Variants in RGS8 observed in about 807,000 individuals in gnomAD.
RGS8 encodes regulator of G protein signaling 8.
In RGS8, 8 loss-of-function variants were observed where a neutral mutation model predicts 21.7. That is an observed-to-expected ratio of 0.37 (90% CI 0.22 to 0.66). RGS8 has a LOEUF of 0.66. Ranked by LOEUF, RGS8 falls within the 30% of genes least tolerant of loss-of-function variation. RGS8 has a pLI of 0.59. For missense variants in RGS8, 157 were observed against 217.9 expected (o/e 0.72, Z 1.76); for synonymous variants, 80 against 83.6 (o/e 0.96, Z 0.24).
At chr1:182,705,232 C>T in the RGS8 span, among the ~76,000 whole-genome samples, 1 of 152,126 alleles carries the variant, frequency 6.6e-6, no homozygotes, top group Non-Finnish European at 1.5e-5. Context: ...ATGGTAAAAA[C>T]CCCAGTTCAA....
At position 182,679,034 on chromosome 1, in the gene RGS8, C is replaced by T. The variant is rs147330722; in HGVS notation, n.221+5322G>A. 9.6e-3 allele frequency among the ~76,000 whole-genome samples: 1,464 copies of T among 152,300 alleles called. 22 individuals are homozygous for T. Among genetic ancestry groups the T allele is most frequent in the African/African-American group, 0.033 (1,388 of 41,548 alleles). Reference sequence around the variant, plus strand: ...ATGTGTCTATTTAAGGTGAATTCTTCCTCCTGTGGCCTTCCACCTATTCTT... The same window carrying T: ...ATGTGTCTATTTAAGGTGAATTCTTTCTCCTGTGGCCTTCCACCTATTCTT... On this transcript the variant is annotated intron_variant and non_coding_transcript_variant, in intron 1 of 4. Transcript: ENST00000515211.
In RGS8 at chr1:182,669,620, T is replaced by C; in HGVS notation, c.26+4A>G. The C allele has an allele frequency of 6.2e-7, 1 of 1,614,206 alleles. No individual in the cohort carries two copies. The highest frequency in any genetic ancestry group is 1.1e-5 in the South Asian group (1 of 91,082). On this transcript the variant is annotated splice_donor_region_variant and intron_variant, in intron 3 of 6. Coordinates refer to ENST00000483095, the Ensembl canonical transcript of RGS8. The stretch of plus-strand genomic sequence containing the variant: ...GGCAAGAAAACAGGCCATTGATTCA[T>C]TACCTGCGTGGCATCAGTAAGGCCG...
In RGS8 at chr1:182,683,507, C is replaced by T. The variant is rs956653999; in HGVS notation, n.221+849G>A. Among the ~76,000 whole-genome samples the T allele has an allele frequency of 2.0e-5, 3 of 151,866 alleles. No individual in the cohort carries two copies. In the East Asian group the frequency reaches 5.8e-4, roughly 29 times the overall value. On this transcript the variant is annotated intron_variant and non_coding_transcript_variant, in intron 1 of 4. Transcript: ENST00000515211. The stretch of plus-strand genomic sequence containing the variant: ...CATTATTTCATTAGACTCTAAGCAC[C>T]CCAAGGTCAGGACCTACAAACACTT...
At chr1:182,695,104 A>G in the RGS8 span, among the ~76,000 whole-genome samples, 3 of 152,026 alleles carry the variant, frequency 2.0e-5, no homozygotes, top group Non-Finnish European at 2.9e-5. Context: ...TGGCTACATC[A>G]TTGCATACGT....
chr1:182,662,570 G>A (rs1206133833), intron 5 of RGS8, among the ~76,000 whole-genome samples: 1 of 152,206 alleles, frequency 6.6e-6, no homozygotes, highest in Non-Finnish European at 1.5e-5. Context: ...CCAAAAGCAT[G>A]TTCCCCAATT....
At chr1:182,647,815 A>T (rs974696139) in intron 6 of RGS8, among the ~76,000 whole-genome samples, 4 of 152,234 alleles carry the variant, frequency 2.6e-5, no homozygotes, top group South Asian at 4.1e-4. Flanking sequence ...TCCACATTTC[A>T]TTAAGCTATG....
chr1:182,726,522 T>C, the RGS8 span, among the ~76,000 whole-genome samples: 4 of 152,020 alleles, frequency 2.6e-5, no homozygotes, highest in Admixed American at 2.6e-4. Context: ...AATACAAAAT[T>C]AGCCGAGCAT....
At chr1:182,701,610 T>A in the RGS8 span, among the ~76,000 whole-genome samples, 3 of 152,182 alleles carry the variant, frequency 2.0e-5, no homozygotes, top group African/African-American at 7.2e-5. Context: ...ATAGGGTTGG[T>A]CTCAAGGTTA....
At chr1:182,659,942 G>A (rs1042833450) in intron 5 of RGS8, among the ~76,000 whole-genome samples, 1 of 152,092 alleles carries the variant, frequency 6.6e-6, no homozygotes, top group African/African-American at 2.4e-5. Context: ...AGGCAAAGGG[G>A]ACAAGTATTA....
chr1:182,653,442 T>C (rs1460763251), intron 5 of RGS8, among the ~76,000 whole-genome samples: 1 of 151,834 alleles, frequency 6.6e-6, no homozygotes, highest in Non-Finnish European at 1.5e-5. Context: ...ACACCTGTAA[T>C]CCCAGCACTT....
the RGS8 span, among the ~76,000 whole-genome samples, chr1:182,699,517 G>A: frequency 6.6e-6 from 1 of 152,210 alleles, no homozygotes; most frequent in Non-Finnish European, 1.5e-5. Context: ...ACATGCCACG[G>A]GGAAAGTGAA....
the RGS8 span, among the ~76,000 whole-genome samples, chr1:182,694,130 G>A: frequency 8.0e-5 from 12 of 149,478 alleles, no homozygotes; most frequent in Non-Finnish European, 1.6e-4. Context: ...AAAATAAAAT[G>A]TGGAAAGAAA....
At chr1:182,650,310 G>T (rs952102747) in intron 5 of RGS8, among the ~76,000 whole-genome samples, 1 of 152,216 alleles carries the variant, frequency 6.6e-6, no homozygotes, top group Non-Finnish European at 1.5e-5. Flanking sequence ...TGGATTGCTG[G>T]TGCCATGCTG....
chr1:182,731,345 T>G, the RGS8 span, among the ~76,000 whole-genome samples: 14 of 152,218 alleles, frequency 9.2e-5, no homozygotes, highest in Non-Finnish European at 2.1e-4. Context: ...GGCAGTTGGA[T>G]TATATCCTAT....
At chr1:182,684,645 T>C (rs1664653661), upstream of RGS8, 1 of 152,162 alleles carries the variant, frequency 6.6e-6, no homozygotes. The surrounding 1 kb of genome is among the most constrained non-coding windows in gnomAD (Gnocchi z 4.2). Flanking sequence ...CTCTGACAGA[T>C]GATGCGCACT....
chr1:182,713,525 CG>C, the RGS8 span, among the ~76,000 whole-genome samples: 2 of 152,230 alleles, frequency 1.3e-5, no homozygotes, highest in East Asian at 3.9e-4. Context: ...TGCACTGGCA[CG>C]GGGGATACCT....
downstream of RGS8, chr1:182,642,937 G>A (rs1377547419): frequency 6.6e-6 from 1 of 152,190 alleles, no homozygotes; most frequent in Non-Finnish European, 1.5e-5. Context: ...ACTTGAGTGG[G>A]GGTTCCAACT....
chr1:182,677,316 A>G (rs1664398047), upstream of RGS8, among the ~76,000 whole-genome samples: 1 of 152,256 alleles, frequency 6.6e-6, no homozygotes, highest in Non-Finnish European at 1.5e-5. Flanking sequence ...TGCAGTCTTC[A>G]TCACAATTCT....
chr1:182,669,804 C>A (rs1026958266), intron 2 of RGS8, 52 bp from the exon 4 acceptor site: 1 of 1,480,830 alleles, frequency 6.8e-7, no homozygotes, highest in African/African-American at 1.4e-5. Context: ...CATCTGACTG[C>A]ACTACATTTC....
Sources: allele counts gnomAD v4.1 joint callset (sites outside exome capture counted in the v4.1 genomes callset), GRCh38; gene constraint gnomAD v4.1.1; non-coding constraint Gnocchi (gnomAD v3.1); transcripts MANE v1.5; gene names NCBI Gene and HGNC (gene_info 2026-07-23, HGNC 2026-07-21).